Variants in FBLN5 observed in about 807,000 individuals in gnomAD.
FBLN5 encodes the protein fibulin 5.
Under a neutral mutation model 61.6 loss-of-function variants are expected in FBLN5, and 24 were observed. The ratio of observed to expected loss-of-function variants is 0.39; its 90% CI spans 0.28 to 0.55. The LOEUF (loss-of-function observed/expected upper bound fraction) is 0.55, where lower values mean the gene tolerates loss of function less well. Ranked by LOEUF, FBLN5 falls within the 20% of genes least tolerant of loss-of-function variation. FBLN5 has a pLI of 0.65. For missense variants in FBLN5, 470 were observed against 594.1 expected (o/e 0.79, Z 2.17); for synonymous variants, 213 against 219.8 (o/e 0.97, Z 0.27).
At chr14:91,935,117 C>T (rs942177856) in intron 4 of FBLN5, among the ~76,000 whole-genome samples, 1 of 152,226 alleles carries the variant, frequency 6.6e-6, no homozygotes, top group Non-Finnish European at 1.5e-5. Flanking sequence ...ATTCTCCTTA[C>T]AAAAGGGCCA....
intron 4 of FBLN5, among the ~76,000 whole-genome samples, chr14:91,935,798 C>T (rs1349769077): frequency 6.6e-6 from 1 of 152,170 alleles, no homozygotes; most frequent in Non-Finnish European, 1.5e-5. Flanking sequence ...TTGGCTTGAC[C>T]GGACCCTGCG....
chr14:91,913,097 T>C (rs993096722), intron 4 of FBLN5, among the ~76,000 whole-genome samples: 1 of 152,206 alleles, frequency 6.6e-6, no homozygotes, highest in Non-Finnish European at 1.5e-5. Flanking sequence ...ATCACAAGTT[T>C]TTATCTACCT....
chr14:91,904,007 C>T (rs979657201), intron 4 of FBLN5, among the ~76,000 whole-genome samples: 3 of 152,150 alleles, frequency 2.0e-5, no homozygotes, highest in Non-Finnish European at 4.4e-5. Flanking sequence ...TCAAGGCATG[C>T]GCTTTATACT....
chr14:91,883,424 C>T (rs1322161742), intron 7 of FBLN5, among the ~76,000 whole-genome samples: 2 of 152,130 alleles, frequency 1.3e-5, no homozygotes, highest in African/African-American at 4.8e-5. Context: ...CTCTGACCTG[C>T]CTAAGGGGCT....
chr14:91,878,093 T>C (rs1889257597), intron 9 of FBLN5: 4 of 398,968 alleles, frequency 1.0e-5, no homozygotes, highest in South Asian at 7.7e-5. Flanking sequence ...AGTAAGAAAC[T>C]GGATTAACAG....
chr14:91,947,172 C>A lies in FBLN5; in HGVS notation c.17+41G>T. On this transcript the variant is annotated intron_variant, in intron 1 of 10. Coordinates refer to ENST00000342058, the MANE Select transcript of FBLN5 (RefSeq NM_006329.4). This position sits in a 1 kb window ranked among gnomAD's most constrained non-coding sequence, Gnocchi z 4.3. ...ACCCATCGGATTTTTAGCAAGGCTT[C>A]CAGACCCTGGAGAAAGAAAAGTCCA... 1 of 1,613,946 alleles carries A rather than the reference C, an allele frequency of 6.2e-7. No homozygotes were observed. The highest frequency in any genetic ancestry group is 1.7e-4 in the Middle Eastern group (1 of 6,058).
rs1221011579 is a variant in FBLN5 at position 91,895,014 on chromosome 14, A to G, written c.438T>C (p.Asn146=). The G allele has an allele frequency of 6.2e-7, 1 of 1,613,944 alleles. No individual in the cohort carries two copies. Among genetic ancestry groups the G allele is most frequent in the Non-Finnish European group, 8.5e-7 (1 of 1,179,980 alleles). ...AGGAGCAGGTGTACCCGCCTTCAGT[A>G]TTGATGCAGATCTGGGTGGGGTTGC... ...HQCNPTQICI[N]TEGGYTCSCT... is the part of the protein sequence containing the mutation. Residue 146 remains asparagine, a synonymous_variant, in exon 5 of 11, where the codon AAT becomes AAC. Coordinates refer to ENST00000342058, the MANE Select transcript of FBLN5 (RefSeq NM_006329.4).
chr14:91,875,893 G>A (rs1320262617), intron 10 of FBLN5, among the ~76,000 whole-genome samples: 1 of 152,228 alleles, frequency 6.6e-6, no homozygotes, highest in Admixed American at 6.5e-5. Flanking sequence ...AATGGAACAT[G>A]CCTGTGAATC....
Position 91,870,261 on chromosome 14 carries a change from A to G in FBLN5, c.1310T>C (p.Ile437Thr), listed in dbSNP as rs777895766. The G allele has an allele frequency of 1.2e-6, 2 of 1,614,240 alleles. No individual in the cohort carries two copies. Among genetic ancestry groups the G allele is most frequent in the Admixed American group, 3.3e-5 (2 of 60,036 alleles). The change falls in exon 11 of 11, where the codon ATC becomes ACC. Residue 437 changes from isoleucine to threonine, a missense_variant. By Grantham distance (89) the Ile-to-Thr change is moderately conservative (BLOSUM62 -1). Coordinates refer to ENST00000342058, the MANE Select transcript of FBLN5 (RefSeq NM_006329.4). The part of the protein sequence containing the change: ...TVINFRGSSV[I>T]RLRIYVSQYP... The stretch of plus-strand genomic sequence containing the variant: ...CTGCGACACATATATCCGCAGTCGG[A>G]TCACGGAGCTGCCTCTGAAGTTGAT...
intron 4 of FBLN5, among the ~76,000 whole-genome samples, chr14:91,932,112 T>C (rs2055934595): frequency 6.6e-6 from 1 of 152,162 alleles, no homozygotes; most frequent in Admixed American, 6.6e-5. Flanking sequence ...CTCCCTCCCC[T>C]GAGAATCTGG....
chr14:91,878,399 GT>G (rs1282823287), intron 9 of FBLN5, among the ~76,000 whole-genome samples: 6 of 152,160 alleles, frequency 3.9e-5, no homozygotes, highest in Non-Finnish European at 8.8e-5. Flanking sequence ...AAGAATGCCT[GT>G]TATAGACACC....
chr14:91,932,470 G>A (rs1387078901), intron 4 of FBLN5, among the ~76,000 whole-genome samples: 2 of 152,202 alleles, frequency 1.3e-5, no homozygotes, highest in African/African-American at 4.8e-5. Flanking sequence ...ATGGCTTCAT[G>A]CGGCACCAAG....
Position 91,947,308 on chromosome 14 carries a change from C to G in FBLN5, c.-79G>C. Reference sequence around the variant, plus strand: ...GACCCCCGGAGGAGCTCGGGCACGTCGGCCTCCTCTGGGCCCTCGGGGCTC... The same window carrying G: ...GACCCCCGGAGGAGCTCGGGCACGTGGGCCTCCTCTGGGCCCTCGGGGCTC... On this transcript the variant is annotated 5_prime_UTR_variant, in exon 1 of 11. Transcript: ENST00000342058. This position sits in a 1 kb window ranked among gnomAD's most constrained non-coding sequence, Gnocchi z 4.3. 1 of 1,565,050 alleles carries G rather than the reference C, an allele frequency of 6.4e-7. No homozygotes were observed. The highest frequency in any genetic ancestry group is 8.8e-7 in the Non-Finnish European group (1 of 1,136,342).
intron 4 of FBLN5, among the ~76,000 whole-genome samples, chr14:91,905,576 A>G (rs1307172150): frequency 1.7e-5 from 2 of 118,218 alleles, no homozygotes; most frequent in Non-Finnish European, 3.4e-5. Context: ...AACTAAGAAT[A>G]TGAGCTTTTT....
intron 4 of FBLN5, among the ~76,000 whole-genome samples, chr14:91,915,058 G>T (rs1010549039): frequency 6.6e-6 from 1 of 152,054 alleles, no homozygotes; most frequent in African/African-American, 2.4e-5. Flanking sequence ...TACTTAGGAG[G>T]CTGAGGCAGG....
At chr14:91,931,006 C>T (rs1595342822) in intron 4 of FBLN5, among the ~76,000 whole-genome samples, 1 of 152,220 alleles carries the variant, frequency 6.6e-6, no homozygotes, top group Non-Finnish European at 1.5e-5. Context: ...CAAATCTTTC[C>T]CAGTTAACGT....
intron 4 of FBLN5, among the ~76,000 whole-genome samples, chr14:91,925,980 G>A (rs1293700583): frequency 6.6e-6 from 1 of 152,144 alleles, no homozygotes; most frequent in East Asian, 1.9e-4. Context: ...GAGTGAGGAA[G>A]GCAGTGGCGC....
Position 91,947,133 on chromosome 14 carries a change from C to T in FBLN5, c.17+80G>A. The T allele has an allele frequency of 6.2e-7, 1 of 1,601,324 alleles. No homozygotes were observed. The highest frequency in any genetic ancestry group is 8.6e-7 in the Non-Finnish European group (1 of 1,169,422). On this transcript the variant is annotated intron_variant, in intron 1 of 10. Coordinates refer to ENST00000342058, the MANE Select transcript of FBLN5 (RefSeq NM_006329.4). The surrounding 1 kb of genome is among the most constrained non-coding windows in gnomAD (Gnocchi z 4.3). The stretch of plus-strand genomic sequence containing the variant: ...ATCCTGACACCGCCTGAATCGCAGC[C>T]ATAACCATTTTCCACCCATCGGATT...
chr14:91,935,891 C>A (rs1245279011), intron 4 of FBLN5, among the ~76,000 whole-genome samples: 1 of 152,188 alleles, frequency 6.6e-6, no homozygotes, highest in Non-Finnish European at 1.5e-5. Flanking sequence ...CTCCCCACGC[C>A]AACACACACA....
Sources: allele counts gnomAD v4.1 joint callset (sites outside exome capture counted in the v4.1 genomes callset), GRCh38; gene constraint gnomAD v4.1.1; non-coding constraint Gnocchi (gnomAD v3.1); transcripts MANE v1.5; gene names NCBI Gene and HGNC (gene_info 2026-07-23, HGNC 2026-07-21).